Variants in STON2 observed in about 807,000 individuals in gnomAD.
STON2 encodes the protein stonin-2.
STON2 carries 29 observed loss-of-function variants against 65.7 expected under a neutral mutation model. The observed-to-expected ratio is 0.44, with a 90% CI of 0.33 to 0.60. The LOEUF (loss-of-function observed/expected upper bound fraction) is 0.60. Ranked by LOEUF, STON2 falls within the 20% of genes least tolerant of loss-of-function variation. The probability of loss-of-function intolerance (pLI) is 0.03; values close to 1 mark genes in which losing one functional copy is unlikely to be tolerated. For missense variants in STON2, 1,054 were observed against 1,118.1 expected (o/e 0.94, Z 0.82); for synonymous variants, 404 against 414.2 (o/e 0.98, Z 0.30).
At chr14:81,366,817 G>A (rs942276889) in intron 4 of STON2, among the ~76,000 whole-genome samples, 1 of 131,118 alleles carries the variant, frequency 7.6e-6, no homozygotes, top group East Asian at 2.5e-4. Context: ...ATGAGGCAGA[G>A]AGATATTAAA....
chr14:81,291,805 CAT>C (rs1015188623), intron 5 of STON2, among the ~76,000 whole-genome samples: 14 of 150,084 alleles, frequency 9.3e-5, no homozygotes, highest in South Asian at 2.1e-4. Context: ...CTTGATCAAA[CAT>C]GTGGAGAAAA....
intron 4 of STON2, among the ~76,000 whole-genome samples, chr14:81,363,204 G>A (rs969024920): frequency 1.3e-5 from 2 of 152,074 alleles, no homozygotes; most frequent in Non-Finnish European, 2.9e-5. Flanking sequence ...CATAAAATGG[G>A]ATAATATGTA....
Position 81,274,081 on chromosome 14 carries a change from G to T in STON2, c.2581+2820C>A, listed in dbSNP as rs866905374. ...CAGGAGCTGGGCACAGTGAATACCA[G>T]CAATGAGTGAGAACTTACATTCTGC... On this transcript the variant is annotated intron_variant, in intron 6 of 7. Coordinates refer to ENST00000614646, the MANE Select transcript of STON2 (RefSeq NM_001394390.1). 3.3e-5 allele frequency among the ~76,000 whole-genome samples: 5 copies of T among 152,252 alleles called. No individual in the cohort carries two copies. The Middle Eastern group carries it at 0.017, about 518-fold the overall frequency.
intron 3 of STON2, among the ~76,000 whole-genome samples, chr14:81,385,943 C>T (rs922079748): frequency 1.3e-5 from 2 of 152,104 alleles, no homozygotes; most frequent in African/African-American, 4.8e-5. Context: ...TCTGGCCCCC[C>T]GCTGCAGAGG....
At chr14:81,390,243 G>A (rs564644977) in intron 3 of STON2, among the ~76,000 whole-genome samples, 1 of 151,862 alleles carries the variant, frequency 6.6e-6, no homozygotes, top group South Asian at 2.1e-4. Flanking sequence ...AGTAGTGGTT[G>A]AAAGACAACC....
upstream of STON2, among the ~76,000 whole-genome samples, chr14:81,404,664 C>T (rs1900762676): frequency 6.6e-6 from 1 of 152,004 alleles, no homozygotes; most frequent in Admixed American, 6.6e-5. Context: ...CCATCACACC[C>T]ACCTAATTTT....
intron 4 of STON2, among the ~76,000 whole-genome samples, chr14:81,355,688 T>C (rs1898199217): frequency 6.6e-6 from 1 of 152,226 alleles, no homozygotes; most frequent in Non-Finnish European, 1.5e-5. Flanking sequence ...AAATCATAAA[T>C]AACGTAAAAA....
At chr14:81,430,403 T>C (rs539412294) in intron 1 of STON2, among the ~76,000 whole-genome samples, 1 of 152,226 alleles carries the variant, frequency 6.6e-6, no homozygotes. Context: ...ACCATTCAGA[T>C]GAACATAACT....
At chr14:81,322,219 GGA>G (rs1341795702) in intron 5 of STON2, among the ~76,000 whole-genome samples, 3 of 152,170 alleles carry the variant, frequency 2.0e-5, no homozygotes, top group African/African-American at 7.2e-5. Flanking sequence ...ACTGATTCTG[GGA>G]GAGAAGCACG....
chr14:81,307,859 T>C (rs746995285), intron 5 of STON2, among the ~76,000 whole-genome samples: 27 of 152,352 alleles, frequency 1.8e-4, no homozygotes, highest in African/African-American at 2.6e-4. Context: ...TTAATCATTT[T>C]ATGTTATTGG....
chr14:81,361,814 G>A (rs1023753184), intron 4 of STON2, among the ~76,000 whole-genome samples: 2 of 151,824 alleles, frequency 1.3e-5, no homozygotes, highest in African/African-American at 4.8e-5. Flanking sequence ...CAAATAATTG[G>A]ATTTAAAAAT....
chr14:81,433,604 T>C (rs1902299434), intron 1 of STON2, among the ~76,000 whole-genome samples: 1 of 152,180 alleles, frequency 6.6e-6, no homozygotes, highest in African/African-American at 2.4e-5. Flanking sequence ...GCCATGTGAG[T>C]TACCTTGACC....
intron 4 of STON2, among the ~76,000 whole-genome samples, chr14:81,338,626 A>G (rs1478878089): frequency 6.6e-6 from 1 of 152,194 alleles, no homozygotes; most frequent in Non-Finnish European, 1.5e-5. Flanking sequence ...TACTACAAGC[A>G]ACTGGTATCT....
chr14:81,426,772 CAT>C (rs1446749969), intron 2 of STON2, among the ~76,000 whole-genome samples: 6 of 152,176 alleles, frequency 3.9e-5, no homozygotes, highest in East Asian at 1.9e-4. Flanking sequence ...ATATTTCTCA[CAT>C]GATTCTTTAA....
intron 4 of STON2, among the ~76,000 whole-genome samples, chr14:81,343,922 G>A (rs758305883): frequency 1.3e-5 from 2 of 152,098 alleles, no homozygotes; most frequent in African/African-American, 4.8e-5. Flanking sequence ...TGTTAGAGCT[G>A]GTGTTTAACC....
rs1898146138 is a variant in STON2 at position 81,354,525 on chromosome 14, A to G, written c.571+16463T>C. On this transcript the variant is annotated intron_variant, in intron 4 of 7. Coordinates refer to ENST00000614646, the MANE Select transcript of STON2 (RefSeq NM_001394390.1). Reference sequence around the variant, plus strand: ...ACAAAGCTCCAACGATGGGCCCAAAAGAAAGGGGGATCTATGAAATGACAG... The same window carrying G: ...ACAAAGCTCCAACGATGGGCCCAAAGGAAAGGGGGATCTATGAAATGACAG... Among the ~76,000 whole-genome samples the G allele has an allele frequency of 2.0e-5, 3 of 152,210 alleles. No homozygotes were observed. The South Asian group carries it at 6.2e-4, about 31-fold the overall frequency.
In STON2 at chr14:81,412,001, C is replaced by G. The variant is rs1245207855; in HGVS notation, c.-198-13421G>C. On this transcript the variant is annotated intron_variant, in intron 2 of 8. Coordinates refer to the STON2 transcript ENST00000553821. ...TGAAGAGGATTCAAGGTAAAGGGAA[C>G]CAAAGACACAGAGTCTGAGATGAGA... Among the ~76,000 whole-genome samples, 4 of 139,198 alleles carry G rather than the reference C, an allele frequency of 2.9e-5. 1 individual carries two copies. In the East Asian group the frequency reaches 1.0e-3, roughly 36 times the overall value. The allele number at this position is 139,198 out of a possible 152,430, so 91.3% of individuals were successfully genotyped here. A position where few individuals can be genotyped will look rare whatever the true frequency, so the allele number is the denominator to read the frequency against.
At chr14:81,344,717 C>T (rs1897747679) in intron 4 of STON2, among the ~76,000 whole-genome samples, 1 of 152,172 alleles carries the variant, frequency 6.6e-6, no homozygotes, top group African/African-American at 2.4e-5. Context: ...TCCCACAGTT[C>T]TCGCATGCAA....
intron 1 of STON2, among the ~76,000 whole-genome samples, chr14:81,432,784 C>T (rs762821974): frequency 2.6e-5 from 4 of 152,252 alleles, no homozygotes; most frequent in Non-Finnish European, 5.9e-5. Context: ...AGAGACTCAG[C>T]TACTCTTACA....
Sources: gnomAD v4.1 joint callset for allele counts (sites outside exome capture counted in the v4.1 genomes callset) on GRCh38, gnomAD v4.1.1 for gene constraint, MANE v1.5 for transcripts, NCBI Gene and HGNC (gene_info 2026-07-23, HGNC 2026-07-21) for gene names.